Variants in EGLN2 observed in about 807,000 individuals in gnomAD.
EGLN2 encodes egl-9 family hypoxia inducible factor 2, also known as prolyl hydroxylase EGLN2.
EGLN2 carries 15 observed loss-of-function variants against 38.2 expected under a neutral mutation model. The observed-to-expected ratio is 0.39, with a 90% CI of 0.26 to 0.60. The LOEUF is 0.60. Ranked by LOEUF, EGLN2 falls within the 20% of genes least tolerant of loss-of-function variation. The pLI is 0.50. For missense variants in EGLN2, 492 were observed against 570.4 expected, an observed-to-expected ratio of 0.86 and a Z score of 1.40; for synonymous variants, 284 against 237.4, an observed-to-expected ratio of 1.20 and a Z score of -1.81.
chr19:40,800,656 G>T lies in EGLN2; in HGVS notation c.84G>T (p.Glu28Asp), dbSNP rs1263768176. 4.3e-6 allele frequency: 7 copies of T among 1,613,892 alleles called. No homozygotes were observed. The highest frequency in any genetic ancestry group is 5.9e-6 in the Non-Finnish European group (7 of 1,180,028). The change falls in exon 2 of 6, where the codon GAG becomes GAT. Residue 28 changes from glutamate to aspartate, a missense_variant. Glu to Asp is a conservative substitution (Grantham distance 45). Transcript: ENST00000303961. Reference protein sequence around the residue: ...PGSSSEPLEPEPGRARMGVES... With the variant: ...PGSSSEPLEPDPGRARMGVES... The stretch of plus-strand genomic sequence containing the variant: ...CTTCGTCAGAGCCCTTGGAGCCTGA[G>T]CCTGGCCGGGCCAGGATGGGAGTGG...
intron 2 of EGLN2, among the ~76,000 whole-genome samples, chr19:40,801,651 C>CTTTTTTTTTTTTTTT (rs58809253): frequency 1.2e-4 from 12 of 102,714 alleles, no homozygotes; most frequent in East Asian, 3.2e-4. Context: ...CACAGTGGTT[C>CTTTTTTTTTTTTTTT]TTTTTTTTTT....
chr19:40,801,868 C>T (rs2145083250), intron 2 of EGLN2, among the ~76,000 whole-genome samples: 1 of 151,792 alleles, frequency 6.6e-6, no homozygotes, highest in East Asian at 1.9e-4. Context: ...GGTGATGACT[C>T]TTAACGAGCA....
chr19:40,801,594 C>T (rs527529454), intron 2 of EGLN2, among the ~76,000 whole-genome samples, 179 bp downstream of exon 2: 3 of 148,484 alleles, frequency 2.0e-5, no homozygotes, highest in East Asian at 2.0e-4. Flanking sequence ...ATCCTCCCTA[C>T]GGGCCTTAAT....
At chr19:40,807,421 AGT>A in intron 4 of EGLN2, 61 bp from the exon 5 acceptor site, 15 of 1,608,028 alleles carry the variant, frequency 9.3e-6, no homozygotes, top group Non-Finnish European at 1.1e-5. Context: ...ATGGCCGCCT[AGT>A]GTGTGTGGAT....
intron 3 of EGLN2, 34 bp downstream of exon 3, chr19:40,806,708 G>A: frequency 6.2e-7 from 1 of 1,607,558 alleles, no homozygotes; most frequent in African/African-American, 1.3e-5. Context: ...GGTGGCGCTG[G>A]GGCTAGGGCT....
chr19:40,807,606 A>G, intron 5 of EGLN2, 55 bp downstream of exon 5: 1 of 1,567,294 alleles, frequency 6.4e-7, no homozygotes, highest in Non-Finnish European at 8.8e-7. Context: ...CTTGGGCCTG[A>G]TGCCACCCCA....
rs145790870 is a variant in EGLN2, at chr19:40,800,375, C to T, written c.-198C>T. 167 of 744,432 alleles carry T rather than the reference C, an allele frequency of 2.2e-4. 2 individuals carry two copies. In the African/African-American group the frequency reaches 2.6e-3, roughly 11 times the overall value. 46.1% of individuals were successfully genotyped at this position (744,432 alleles called of 1,614,324 possible). A position where few individuals can be genotyped will look rare whatever the true frequency, so the allele number is the denominator to read the frequency against. On this transcript the variant is annotated 5_prime_UTR_variant, in exon 2 of 6. Coordinates refer to ENST00000303961, the MANE Select transcript of EGLN2 (RefSeq NM_080732.4). ...GGTCCCTTCCCAAGCCCTTAGGGAC[C>T]GCAGAGGACTTGGGGACCAGCAAGC...
rs2083248346 is a variant in EGLN2, at chr19:40,800,658, C to T, written c.86C>T (p.Pro29Leu). The T allele has an allele frequency of 6.2e-6, 10 of 1,613,940 alleles. No individual in the cohort carries two copies. The highest frequency in any genetic ancestry group is 8.5e-6 in the Non-Finnish European group (10 of 1,180,040). The change falls in exon 2 of 6, where the codon CCT becomes CTT. Residue 29 changes from proline to leucine, a missense_variant. Coordinates refer to ENST00000303961, the MANE Select transcript of EGLN2 (RefSeq NM_080732.4). ...TCGTCAGAGCCCTTGGAGCCTGAGC[C>T]TGGCCGGGCCAGGATGGGAGTGGAG... The part of the protein sequence containing the change: ...GSSSEPLEPE[P>L]GRARMGVESY...
In EGLN2 at chr19:40,806,744, C is replaced by T. The variant is rs1469736005; in HGVS notation, c.963+70C>T. ...GGGGCGGGGGTGGCGTGCGTCCACT[C>T]CATTTTCCACTCTCAGCCCAGATTC... On this transcript the variant is annotated intron_variant, in intron 3 of 5. Coordinates refer to ENST00000303961, the MANE Select transcript of EGLN2 (RefSeq NM_080732.4). The T allele has an allele frequency of 5.1e-6, 8 of 1,574,974 alleles. No homozygotes were observed. The Admixed American group carries it at 1.2e-4, about 24-fold the overall frequency.
rs774342029 is a variant in EGLN2 at position 40,807,907 on chromosome 19, C to A, written c.*43C>A. ...GCATGGCAGACAGCTTAAATGACTT[C>A]AGGAGAGCCCTGGGCCTGTGCTGGC... On this transcript the variant is annotated 3_prime_UTR_variant, in exon 6 of 6. Transcript: ENST00000303961. 12 of 1,595,054 alleles carry A rather than the reference C, an allele frequency of 7.5e-6. No homozygotes were observed. The highest frequency in any genetic ancestry group is 1.0e-5 in the Non-Finnish European group (12 of 1,164,196).
chr19:40,801,651 CTTTTTTTT>C (rs58809253), intron 2 of EGLN2, among the ~76,000 whole-genome samples: 4 of 102,704 alleles, frequency 3.9e-5, no homozygotes, highest in South Asian at 3.7e-4. Context: ...CACAGTGGTT[CTTTTTTTT>C]TTTTTTTTTT....
chr19:40,800,798 C>T lies in EGLN2; in HGVS notation c.226C>T (p.Leu76Phe). Residue 76 changes from leucine (L) to phenylalanine (F), a missense_variant, in exon 2 of 6, where the codon CTT becomes TTT. This residue lies in a region of EGLN2 where 378 missense variants were observed against 386.2 expected (regional missense o/e 0.98). Coordinates refer to ENST00000303961, the MANE Select transcript of EGLN2 (RefSeq NM_080732.4). ...ATATSTTASP[L>F]RDGFGGQDGG... ...AGCCACCTCTACCACTGCCAGCCCT[C>T]TTCGGGACGGTTTTGGCGGGCAGGA... 6.2e-7 allele frequency: 1 copy of T among 1,613,592 alleles called. No individual in the cohort carries two copies.
chr19:40,806,845 C>T (rs2083305944), intron 3 of EGLN2, 171 bp downstream of exon 3: 3 of 1,025,482 alleles, frequency 2.9e-6, no homozygotes, highest in Non-Finnish European at 2.8e-6. Flanking sequence ...AATGGCACCT[C>T]CTCCTCTCTA....
intron 5 of EGLN2, 73 bp from the exon 6 acceptor site, chr19:40,807,736 C>T (rs2083316120): frequency 6.5e-7 from 1 of 1,541,736 alleles, no homozygotes. Flanking sequence ...GTCCTCTCCC[C>T]ATCTCCCCAG....
chr19:40,807,803 C>G lies in EGLN2; in HGVS notation c.1169-6C>G. ...CTCACTGTCTCCTGTCCCCTCTCAC[C>G]CCCAGCATCAGGACAGAAAGGTGTC... On this transcript the variant is annotated splice_region_variant and splice_polypyrimidine_tract_variant and intron_variant, in intron 5 of 5. Coordinates refer to ENST00000303961, the MANE Select transcript of EGLN2 (RefSeq NM_080732.4). 6.2e-7 allele frequency: 1 copy of G among 1,614,084 alleles called. No individual in the cohort carries two copies. Among genetic ancestry groups the G allele is most frequent in the Non-Finnish European group, 8.5e-7 (1 of 1,179,968 alleles).
At chr19:40,807,100 GC>G in intron 3 of EGLN2, 37 bp from the exon 4 acceptor site, 1 of 1,609,404 alleles carries the variant, frequency 6.2e-7, no homozygotes, top group Non-Finnish European at 8.5e-7. Flanking sequence ...GCGGCTCCTG[GC>G]CGTACCAGCT....
chr19:40,801,648 GTTC>G (rs1238071562), intron 2 of EGLN2, among the ~76,000 whole-genome samples: 6 of 102,982 alleles, frequency 5.8e-5, no homozygotes, highest in Admixed American at 1.2e-4. Flanking sequence ...AGCCACAGTG[GTTC>G]TTTTTTTTTT....
At position 40,800,597 on chromosome 19, in the gene EGLN2, C is replaced by G; in HGVS notation, c.25C>G (p.Pro9Ala). ...CATGGACAGCCCGTGCCAGCCGCAG[C>G]CCCTAAGTCAGGCTCTCCCTCAGTT... MDSPCQPQPLSQALPQLPG... is the reference protein window; with the variant it reads MDSPCQPQALSQALPQLPG... The change falls in exon 2 of 6, where the codon CCC becomes GCC. Residue 9 changes from proline (P) to alanine (A), a missense_variant. By Grantham distance (27) the Pro-to-Ala change is conservative (BLOSUM62 -1). Around this residue, in one of 2 missense-constraint regions of EGLN2, gnomAD observed 378 missense variants for 386.2 expected, o/e 0.98. Coordinates refer to ENST00000303961, the MANE Select transcript of EGLN2 (RefSeq NM_080732.4). The G allele has an allele frequency of 6.2e-7, 1 of 1,608,542 alleles. No individual in the cohort carries two copies. The highest frequency in any genetic ancestry group is 8.5e-7 in the Non-Finnish European group (1 of 1,177,036).
In EGLN2 at chr19:40,806,653, G is replaced by C. The variant is rs1220350500; in HGVS notation, c.942G>C (p.Leu314=). 3 of 1,613,986 alleles carry C rather than the reference G, an allele frequency of 1.9e-6. No individual in the cohort carries two copies. The highest frequency in any genetic ancestry group is 2.5e-6 in the Non-Finnish European group (3 of 1,179,948). Residue 314 remains leucine (L), a synonymous_variant, in exon 3 of 6, where the codon CTG becomes CTC. Coordinates refer to ENST00000303961, the MANE Select transcript of EGLN2 (RefSeq NM_080732.4). ...GCTGCATCACCTGTATCTATTACCTGAATCAGAACTGGGACGTTAAGGTAG... is the reference window on the plus strand; with the variant it reads ...GCTGCATCACCTGTATCTATTACCTCAATCAGAACTGGGACGTTAAGGTAG... ...DGRCITCIYY[L]NQNWDVKVHG...
Sources: allele counts gnomAD v4.1 joint callset (sites outside exome capture counted in the v4.1 genomes callset), GRCh38; gene constraint gnomAD v4.1.1; regional missense constraint gnomAD v4.1.1; transcripts MANE v1.5; gene names NCBI Gene and HGNC (gene_info 2026-07-23, HGNC 2026-07-21).